Variants in HCN1 observed in about 807,000 individuals in gnomAD.
HCN1 encodes the protein potassium/sodium hyperpolarization-activated cyclic nucleotide-gated channel 1.
Under a neutral mutation model 78.9 loss-of-function variants are expected in HCN1, and 13 were observed. The observed-to-expected ratio is 0.16, with a 90% confidence interval of 0.11 to 0.26. The LOEUF (loss-of-function observed/expected upper bound fraction) is 0.26, where lower values mean the gene tolerates loss of function less well. Ranked by LOEUF, HCN1 falls within the 10% of genes least tolerant of loss-of-function variation. HCN1 has a pLI of 1.00. For missense variants in HCN1, 810 were observed against 1,154.3 expected (o/e 0.70, Z 4.32); for synonymous variants, 552 against 455.5 (o/e 1.21, Z -2.70).
intron 2 of HCN1, among the ~76,000 whole-genome samples, chr5:45,499,031 C>A (rs1742125523): frequency 6.6e-6 from 1 of 152,094 alleles, no homozygotes; most frequent in Non-Finnish European, 1.5e-5. Context: ...TTACTGCTGT[C>A]TTTTTTTGTC....
At chr5:45,481,971 CA>C (rs11324015) in intron 2 of HCN1, among the ~76,000 whole-genome samples, 71,807 of 151,592 alleles carry the variant, frequency 0.47, 18,465 homozygotes, top group African/African-American at 0.68. Flanking sequence ...GAAAAACAAA[CA>C]AAAAAAACAA....
intron 5 of HCN1, among the ~76,000 whole-genome samples, chr5:45,306,572 T>C (rs1227085920): frequency 6.6e-6 from 1 of 152,160 alleles, no homozygotes; most frequent in Non-Finnish European, 1.5e-5. Flanking sequence ...AGAATCTTCT[T>C]GGATTCTAAA....
Position 45,257,726 on chromosome 5 carries a change from C to G in HCN1, c.*4195G>C, listed in dbSNP as rs1744648160. 3 of 152,106 alleles carry G rather than the reference C, an allele frequency of 2.0e-5. No individual in the cohort carries two copies. The highest frequency in any genetic ancestry group is 2.0e-4 in the Admixed American group (3 of 15,274). The allele number at this position is 152,106 out of a possible 1,614,324, so 9.4% of individuals were successfully genotyped here. On this transcript the variant is annotated 3_prime_UTR_variant, in exon 8 of 8. Coordinates refer to ENST00000303230, the MANE Select transcript of HCN1 (RefSeq NM_021072.4). ...TTGAGGGGTAATAGCAGGTGTACTTCCCTAAGTACAATAGCAAATCTTTCA... is the reference window on the plus strand; with the variant it reads ...TTGAGGGGTAATAGCAGGTGTACTTGCCTAAGTACAATAGCAAATCTTTCA...
intron 5 of HCN1, among the ~76,000 whole-genome samples, chr5:45,310,933 T>C (rs1008352010): frequency 6.6e-6 from 1 of 152,166 alleles, no homozygotes; most frequent in Non-Finnish European, 1.5e-5. Context: ...AAAAGCCTCA[T>C]GTTCTCACTT....
At position 45,694,366 on chromosome 5, in the gene HCN1, G is replaced by C. The variant is rs1437970273; in HGVS notation, c.425+1303C>G. On this transcript the variant is annotated intron_variant, in intron 1 of 7. Coordinates refer to ENST00000303230, the MANE Select transcript of HCN1 (RefSeq NM_021072.4). Reference sequence around the variant, plus strand: ...TAGATCACGGAGGCTACTGATTTCTGAGACGATAAATATCTCAAAGAAGGC... The same window carrying C: ...TAGATCACGGAGGCTACTGATTTCTCAGACGATAAATATCTCAAAGAAGGC... Among the ~76,000 whole-genome samples, 6 of 152,146 alleles carry C rather than the reference G, an allele frequency of 3.9e-5. 1 individual carries two copies.
chr5:45,288,914 A>G (rs1745319184), intron 6 of HCN1, among the ~76,000 whole-genome samples: 1 of 152,020 alleles, frequency 6.6e-6, no homozygotes, highest in Non-Finnish European at 1.5e-5. Context: ...CTAGAGACAG[A>G]GTTGAAATGA....
At chr5:45,399,262 C>T (rs1371317790) in intron 3 of HCN1, among the ~76,000 whole-genome samples, 1 of 152,202 alleles carries the variant, frequency 6.6e-6, no homozygotes, top group Admixed American at 6.5e-5. Flanking sequence ...CTGAGTGATG[C>T]ATATGCTGCC....
intron 2 of HCN1, among the ~76,000 whole-genome samples, chr5:45,625,536 A>G (rs1351987830): frequency 6.6e-6 from 1 of 151,704 alleles, no homozygotes; most frequent in Admixed American, 6.6e-5. Context: ...AAGAGATGGG[A>G]AAAAAAACAT....
Position 45,289,074 on chromosome 5 carries a change from T to A in HCN1, c.1618+14525A>T, listed in dbSNP as rs150981920. ...TAAGCTGTGTTTTTGGGGGGCATTA[T>A]ACAATATAACCTTAAGAACATTTTA... is the stretch of plus-strand genomic sequence containing the variant. On this transcript the variant is annotated intron_variant, in intron 6 of 7. Coordinates refer to ENST00000303230, the MANE Select transcript of HCN1 (RefSeq NM_021072.4). Among the ~76,000 whole-genome samples the A allele has an allele frequency of 1.6e-4, 24 of 152,190 alleles. No homozygotes were observed. The East Asian group carries it at 4.7e-3, about 30-fold the overall frequency.
At chr5:45,358,966 T>C (rs1486772491) in intron 4 of HCN1, among the ~76,000 whole-genome samples, 1 of 152,116 alleles carries the variant, frequency 6.6e-6, no homozygotes, top group Non-Finnish European at 1.5e-5. Flanking sequence ...ATGCCTTTCT[T>C]CTTCTGCTCT....
At chr5:45,545,107 C>G (rs1229172574) in intron 2 of HCN1, among the ~76,000 whole-genome samples, 1 of 152,068 alleles carries the variant, frequency 6.6e-6, no homozygotes, top group Non-Finnish European at 1.5e-5. Flanking sequence ...CTCTCCAGCA[C>G]CTGTTGTTTC....
At chr5:45,679,982 G>C (rs959397259) in intron 1 of HCN1, among the ~76,000 whole-genome samples, 16 of 152,078 alleles carry the variant, frequency 1.1e-4, no homozygotes, top group African/African-American at 3.9e-4. Flanking sequence ...CATGGAACTA[G>C]ATGGTTAAAG....
At chr5:45,601,547 G>A (rs1026268556) in intron 2 of HCN1, among the ~76,000 whole-genome samples, 2 of 152,066 alleles carry the variant, frequency 1.3e-5, no homozygotes, top group African/African-American at 4.8e-5. Flanking sequence ...AAATCAGATT[G>A]GAGTAAGGGC....
intron 2 of HCN1, among the ~76,000 whole-genome samples, chr5:45,471,993 A>C (rs1007323283): frequency 1.3e-5 from 2 of 151,948 alleles, no homozygotes; most frequent in Non-Finnish European, 2.9e-5. Flanking sequence ...TTCCTGCTTG[A>C]ACTTTCACTA....
intron 5 of HCN1, among the ~76,000 whole-genome samples, chr5:45,318,152 C>G (rs1746039359): frequency 6.6e-6 from 1 of 152,096 alleles, no homozygotes; most frequent in Non-Finnish European, 1.5e-5. Context: ...ATAGCAAAGA[C>G]TTGGAAACAA....
At position 45,259,641 on chromosome 5, in the gene HCN1, C is replaced by CAA. The variant is rs1303593316; in HGVS notation, c.*2278_*2279dup. On this transcript the variant is annotated 3_prime_UTR_variant, in exon 8 of 8. Transcript: ENST00000303230. ...CTTAGTTTTTTTGTCCATTCTATTA[C>CAA]AAAGTGAATAAAAATTGTATGGTTG... is the stretch of plus-strand genomic sequence containing the variant. The CAA allele has an allele frequency of 2.0e-5, 3 of 151,838 alleles. No individual in the cohort carries two copies. The highest frequency in any genetic ancestry group is 4.4e-5 in the Non-Finnish European group (3 of 67,862). 9.4% of individuals were successfully genotyped at this position (151,838 alleles called of 1,614,324 possible). A position where few individuals can be genotyped will look rare whatever the true frequency, so the allele number is the denominator to read the frequency against.
At chr5:45,368,307 C>G (rs1747276383) in intron 4 of HCN1, among the ~76,000 whole-genome samples, 1 of 151,882 alleles carries the variant, frequency 6.6e-6, no homozygotes, top group Non-Finnish European at 1.5e-5. Flanking sequence ...ATAGTCACTG[C>G]TAATGAACAT....
At position 45,518,796 on chromosome 5, in the gene HCN1, T is replaced by C. The variant is rs188874721; in HGVS notation, c.850-56789A>G. Among the ~76,000 whole-genome samples the C allele has an allele frequency of 5.1e-4, 78 of 152,108 alleles. 1 individual carries two copies. The highest frequency in any genetic ancestry group is 2.1e-4 in the South Asian group (1 of 4,828). ...GAAAAGAGGGAAGGGAATCTTAGCA[T>C]ATGGGGACCAAAAAGTAAACCTGAA... On this transcript the variant is annotated intron_variant, in intron 2 of 7. Transcript: ENST00000303230.
chr5:45,411,458 G>GA (rs1248088209), intron 3 of HCN1, among the ~76,000 whole-genome samples: 1 of 150,648 alleles, frequency 6.6e-6, no homozygotes, highest in African/African-American at 2.4e-5. Flanking sequence ...CTAAAATCAG[G>GA]AAAAAAATGC....
Sources: gnomAD v4.1 joint callset for allele counts (sites outside exome capture counted in the v4.1 genomes callset) on GRCh38, gnomAD v4.1.1 for gene constraint, MANE v1.5 for transcripts, NCBI Gene and HGNC (gene_info 2026-07-23, HGNC 2026-07-21) for gene names.